Variants in MYT1L observed in about 807,000 individuals in gnomAD.
MYT1L encodes the protein myelin transcription factor 1-like protein.
A neutral mutation model predicts 126.7 loss-of-function variants in MYT1L; 12 were observed. The ratio of observed to expected loss-of-function variants is 0.09; its 90% CI spans 0.06 to 0.15. MYT1L has a LOEUF of 0.15. MYT1L is among the 10% of genes least tolerant of loss of function. MYT1L has a pLI of 1.00. For missense variants in MYT1L, 979 were observed against 1,585.2 expected (o/e 0.62, Z 6.49); for synonymous variants, 541 against 604.2 (o/e 0.90, Z 1.53).
intron 1 of MYT1L, among the ~76,000 whole-genome samples, chr2:2,320,842 C>T (rs2096151205): frequency 6.6e-6 from 1 of 152,202 alleles, no homozygotes; most frequent in Non-Finnish European, 1.5e-5. Flanking sequence ...TTAGCACATA[C>T]AGCAGAACAG....
At chr2:1,813,408 T>TC (rs1252023377) in intron 21 of MYT1L, among the ~76,000 whole-genome samples, 1 of 151,828 alleles carries the variant, frequency 6.6e-6, no homozygotes, top group Non-Finnish European at 1.5e-5. Context: ...TTGCCCCCAC[T>TC]CCCCCAGGAG....
chr2:2,110,867 A>C (rs1202796592), intron 3 of MYT1L, among the ~76,000 whole-genome samples: 1 of 152,048 alleles, frequency 6.6e-6, no homozygotes, highest in Non-Finnish European at 1.5e-5. Context: ...TGCTGGTGTG[A>C]ACAGCAATGT....
intron 12 of MYT1L, among the ~76,000 whole-genome samples, chr2:1,911,592 CT>C (rs1262596667): frequency 6.6e-6 from 1 of 152,164 alleles, no homozygotes; most frequent in African/African-American, 2.4e-5. Flanking sequence ...TGCAGGTTTT[CT>C]GAAGACGTCC....
intron 4 of MYT1L, among the ~76,000 whole-genome samples, chr2:2,006,037 G>T (rs540854544): frequency 1.5e-4 from 19 of 125,398 alleles, no homozygotes; most frequent in South Asian, 2.8e-4. Flanking sequence ...CTTTCCTGCA[G>T]GTGTTCTTTC....
At chr2:1,969,078 G>A (rs952382244) in intron 8 of MYT1L, among the ~76,000 whole-genome samples, 2 of 152,210 alleles carry the variant, frequency 1.3e-5, no homozygotes, top group African/African-American at 2.4e-5. Flanking sequence ...TGCCTTGCTT[G>A]CCAGCTACAT....
At chr2:1,805,495 T>C (rs1304088062) in intron 22 of MYT1L, among the ~76,000 whole-genome samples, 21 of 152,218 alleles carry the variant, frequency 1.4e-4, no homozygotes, top group Admixed American at 1.4e-3. Flanking sequence ...CTCACGCCTA[T>C]AATCCCAGCA....
intron 1 of MYT1L, among the ~76,000 whole-genome samples, chr2:2,295,565 C>CAGAGAGAGAGAGACAGACAGACAG (rs2095660715): frequency 3.0e-5 from 1 of 33,836 alleles, no homozygotes; most frequent in Admixed American, 2.8e-4. Flanking sequence ...GACAGACAGA[C>CAGAGAGAGAGAGACAGACAGACAG]AGAGAGAGAG....
rs894045550 is a variant in MYT1L, at chr2:2,131,972, G to A, written c.-304+40900C>T. Among the ~76,000 whole-genome samples, 6 of 145,358 alleles carry A rather than the reference G, an allele frequency of 4.1e-5. 1 individual carries two copies. The highest frequency in any genetic ancestry group is 6.0e-5 in the Non-Finnish European group (4 of 67,104). ...TTGCCAGGCTGAAGTGCAGTGGTGC[G>A]ATCTTGGCTCACTGCAACCTCCAAC... On this transcript the variant is annotated intron_variant, in intron 3 of 24. Coordinates refer to ENST00000647738, the MANE Select transcript of MYT1L (RefSeq NM_001303052.2).
intron 22 of MYT1L, among the ~76,000 whole-genome samples, chr2:1,804,982 T>A (rs1011783001): frequency 6.6e-6 from 1 of 152,154 alleles, no homozygotes; most frequent in East Asian, 1.9e-4. Context: ...AAGCCACTGA[T>A]GGTACAACTT....
At chr2:2,047,859 G>GA (rs5828871) in intron 4 of MYT1L, among the ~76,000 whole-genome samples, 3,514 of 152,246 alleles carry the variant, frequency 0.023, 131 homozygotes, top group African/African-American at 0.077. Context: ...GAGAAAATAC[G>GA]AAACAGTGAA....
At chr2:2,241,425 A>G (rs749933810) in intron 2 of MYT1L, among the ~76,000 whole-genome samples, 10 of 152,164 alleles carry the variant, frequency 6.6e-5, no homozygotes, top group Non-Finnish European at 1.5e-4. Context: ...CTCTCTCCTC[A>G]GTTCTCCGGC....
Position 1,943,025 on chromosome 2 carries a change from CTCT to C in MYT1L, c.459_461del (p.Glu167del), listed in dbSNP as rs1269164179. 1.3e-6 allele frequency: 2 copies of C among 1,503,604 alleles called. No homozygotes were observed. Among genetic ancestry groups the C allele is most frequent in the Non-Finnish European group, 1.8e-6 (2 of 1,104,474 alleles). The allele number at this position is 1,503,604 out of a possible 1,614,324, so 93.1% of individuals were successfully genotyped here. Reference sequence around the variant, plus strand: ...CCTCCTCCTCCTCCTCCTCCTCTTCCTCTTCTTCATCCTCCACATCTTCTCCAT... The same window carrying C: ...CCTCCTCCTCCTCCTCCTCCTCTTCCTCTTCATCCTCCACATCTTCTCCAT... On this transcript the variant is annotated inframe_deletion, in exon 9 of 25. Transcript: ENST00000647738. The surrounding 1 kb of genome is among the most constrained non-coding windows in gnomAD (Gnocchi z 4.4).
At chr2:2,261,084 C>G (rs2094952915) in intron 2 of MYT1L, among the ~76,000 whole-genome samples, 1 of 152,126 alleles carries the variant, frequency 6.6e-6, no homozygotes, top group Non-Finnish European at 1.5e-5. Context: ...TCCATTGCCC[C>G]ATGCTCAACT....
chr2:2,148,920 C>CAAGA (rs1163162603), intron 3 of MYT1L, among the ~76,000 whole-genome samples: 2 of 152,144 alleles, frequency 1.3e-5, no homozygotes, highest in Non-Finnish European at 2.9e-5. Flanking sequence ...TGTGAACTCA[C>CAAGA]AGTCCTGTAA....
chr2:1,833,208 C>T (rs73913427), intron 21 of MYT1L, among the ~76,000 whole-genome samples: 6,103 of 152,236 alleles, frequency 0.04, 412 homozygotes, highest in African/African-American at 0.14. Flanking sequence ...TGGCCTTGCC[C>T]CAGTGCCCGC....
chr2:2,150,605 A>G (rs1435730679), intron 3 of MYT1L, among the ~76,000 whole-genome samples: 3 of 152,192 alleles, frequency 2.0e-5, no homozygotes, highest in Non-Finnish European at 4.4e-5. Flanking sequence ...ATTACAGCAC[A>G]GATCATGATA....
At chr2:2,316,818 AT>A (rs944981858) in intron 1 of MYT1L, among the ~76,000 whole-genome samples, 36 of 150,058 alleles carry the variant, frequency 2.4e-4, no homozygotes, top group African/African-American at 8.6e-4. Flanking sequence ...TTATTTATTT[AT>A]TTTTTTTTCG....
At chr2:2,247,628 T>A (rs1488823413) in intron 2 of MYT1L, among the ~76,000 whole-genome samples, 3 of 152,120 alleles carry the variant, frequency 2.0e-5, no homozygotes, top group Admixed American at 2.0e-4. Context: ...ATATGTTAGG[T>A]CAAAAAACGA....
chr2:1,791,476 G>C lies in MYT1L; in HGVS notation c.*391C>G, dbSNP rs2032079247. On this transcript the variant is annotated 3_prime_UTR_variant, in exon 25 of 25. Transcript: ENST00000647738. The surrounding 1 kb of genome is among the most constrained non-coding windows in gnomAD (Gnocchi z 6.0). ...TTCAAAGCTGTGGGTCTGTGTGTGC[G>C]TGTGTGTGTTTGTGTGTCCATTTCA... is the stretch of plus-strand genomic sequence containing the variant. 8.7e-6 allele frequency: 3 copies of C among 344,352 alleles called. No homozygotes were observed. 21.3% of individuals were successfully genotyped at this position (344,352 alleles called of 1,614,324 possible). A position where few individuals can be genotyped will look rare whatever the true frequency, so the allele number is the denominator to read the frequency against.
Sources: gnomAD v4.1 joint callset for allele counts (sites outside exome capture counted in the v4.1 genomes callset) on GRCh38, gnomAD v4.1.1 for gene constraint, Gnocchi (gnomAD v3.1) non-coding constraint, MANE v1.5 for transcripts, NCBI Gene and HGNC (gene_info 2026-07-23, HGNC 2026-07-21) for gene names.